Variants in DIP2C observed in about 807,000 individuals in gnomAD.
DIP2C encodes the protein DIP2 acetate--CoA ligase C (putative).
Under a neutral mutation model 192.4 loss-of-function variants are expected in DIP2C, and 33 were observed. That is an observed-to-expected ratio of 0.17 (90% CI 0.13 to 0.23). The LOEUF (loss-of-function observed/expected upper bound fraction) is 0.23, where lower values mean the gene tolerates loss of function less well. Among genes scored for constraint, DIP2C ranks in the 10% least tolerant of loss-of-function variants. DIP2C has a pLI of 1.00. For missense variants in DIP2C, 1,537 were observed against 2,110.1 expected (o/e 0.73, Z 5.32); for synonymous variants, 979 against 864.1 (o/e 1.13, Z -2.33).
intron 1 of DIP2C, among the ~76,000 whole-genome samples, chr10:552,554 A>G (rs1415734683): frequency 6.6e-6 from 1 of 152,248 alleles, no homozygotes; most frequent in Non-Finnish European, 1.5e-5. Flanking sequence ...AGCTTTCAAA[A>G]AGTGACAAAC....
chr10:672,794 A>G (rs1019941052), intron 1 of DIP2C, among the ~76,000 whole-genome samples: 7 of 152,210 alleles, frequency 4.6e-5, no homozygotes, highest in African/African-American at 1.2e-4. Context: ...CCAGAAACAT[A>G]AAGATTTCTG....
At chr10:547,858 T>C (rs977436287) in intron 1 of DIP2C, among the ~76,000 whole-genome samples, 7 of 152,110 alleles carry the variant, frequency 4.6e-5, no homozygotes, top group African/African-American at 1.7e-4. Flanking sequence ...CTGCATTTCA[T>C]CCATGCCCAC....
At chr10:680,196 A>G (rs1344499369) in intron 1 of DIP2C, among the ~76,000 whole-genome samples, 1 of 152,180 alleles carries the variant, frequency 6.6e-6, no homozygotes, top group African/African-American at 2.4e-5. Context: ...GGAAGCAGAG[A>G]AAGGCCCACA....
In DIP2C at chr10:361,416, C is replaced by A. The variant is rs544667168; in HGVS notation, c.2794+1074G>T. 3.3e-5 allele frequency among the ~76,000 whole-genome samples: 5 copies of A among 152,268 alleles called. 1 individual carries two copies. In the South Asian group the frequency reaches 8.3e-4, roughly 25 times the overall value. On this transcript the variant is annotated intron_variant, in intron 22 of 36. Transcript: ENST00000280886. Reference sequence around the variant, plus strand: ...CTGCTCTCTCTCGCCTGGGTTTTCCCGGTCACTGGGCTTCTCGACATTTGG... The same window carrying A: ...CTGCTCTCTCTCGCCTGGGTTTTCCAGGTCACTGGGCTTCTCGACATTTGG...
At chr10:374,161 C>T (rs1961306688) in intron 17 of DIP2C, among the ~76,000 whole-genome samples, 1 of 152,094 alleles carries the variant, frequency 6.6e-6, no homozygotes, top group African/African-American at 2.4e-5. Context: ...TGGTTTGTTA[C>T]ACACAGTGTT....
intron 29 of DIP2C, among the ~76,000 whole-genome samples, chr10:338,635 G>A (rs991320343): frequency 7.2e-5 from 11 of 152,110 alleles, no homozygotes; most frequent in South Asian, 4.1e-4. Flanking sequence ...TAATGAAATC[G>A]CCCATTTGGA....
intron 12 of DIP2C, 80 bp downstream of exon 12, chr10:390,184 G>C (rs1040014548): frequency 6.3e-7 from 1 of 1,586,710 alleles, no homozygotes; most frequent in Non-Finnish European, 8.7e-7. Context: ...CTGAATTTTG[G>C]CACTCGTGTA....
chr10:594,139 A>G (rs904419624), intron 1 of DIP2C, among the ~76,000 whole-genome samples: 1 of 152,216 alleles, frequency 6.6e-6, no homozygotes, highest in East Asian at 1.9e-4. Flanking sequence ...AGTCACGTGA[A>G]GGTCCCGTTG....
intron 1 of DIP2C, among the ~76,000 whole-genome samples, chr10:580,507 G>A (rs181248466): frequency 6.6e-5 from 10 of 152,156 alleles, no homozygotes; most frequent in Non-Finnish European, 2.9e-5. Context: ...ATATAATAGT[G>A]CCCATAGTTA....
At chr10:557,500 GCTGT>G (rs1848941453) in intron 1 of DIP2C, among the ~76,000 whole-genome samples, 1 of 151,282 alleles carries the variant, frequency 6.6e-6, no homozygotes, top group African/African-American at 2.4e-5. Context: ...CCTCACCTGG[GCTGT>G]CTCATCTGTT....
chr10:400,956 T>G (rs1328821355), intron 9 of DIP2C, among the ~76,000 whole-genome samples: 1 of 145,646 alleles, frequency 6.9e-6, no homozygotes, highest in Non-Finnish European at 1.5e-5. Context: ...GTGGCAGCAT[T>G]AGCATTACTC....
At chr10:464,175 C>T (rs1589852747) in intron 3 of DIP2C, among the ~76,000 whole-genome samples, 1 of 152,096 alleles carries the variant, frequency 6.6e-6, no homozygotes, top group East Asian at 1.9e-4. Flanking sequence ...TGCTTCTGCA[C>T]AGCAAAATAA....
intron 1 of DIP2C, among the ~76,000 whole-genome samples, chr10:528,247 A>G (rs376633550): frequency 5.9e-5 from 9 of 152,168 alleles, no homozygotes; most frequent in African/African-American, 1.9e-4. Context: ...CCAAGACATA[A>G]AAACAAAAAC....
At chr10:349,578 A>G in intron 24 of DIP2C, 124 bp from the exon 25 acceptor site, 2 of 1,330,088 alleles carry the variant, frequency 1.5e-6, no homozygotes, top group Non-Finnish European at 2.0e-6. Context: ...GAACAAGCAC[A>G]GACCTGTGCA....
At chr10:329,360 T>G in intron 30 of DIP2C, 73 bp downstream of exon 30, 1 of 1,477,922 alleles carries the variant, frequency 6.8e-7, no homozygotes, top group Admixed American at 2.3e-5. Flanking sequence ...CTTCACCCCA[T>G]CACAGATGTG....
chr10:504,631 C>T (rs983035508), intron 1 of DIP2C, among the ~76,000 whole-genome samples: 3 of 152,326 alleles, frequency 2.0e-5, no homozygotes, highest in East Asian at 1.9e-4. Context: ...CCACGGGCTC[C>T]GTGTCCAAGT....
chr10:387,688 C>T (rs1963086246), intron 14 of DIP2C, 57 bp downstream of exon 14: 1 of 1,536,342 alleles, frequency 6.5e-7, no homozygotes, highest in South Asian at 1.1e-5. Context: ...TGTGGACAGG[C>T]AGGGCAGGGT....
chr10:472,370 G>T, intron 3 of DIP2C, 69 bp downstream of exon 3: 1 of 1,442,034 alleles, frequency 6.9e-7, no homozygotes, highest in Non-Finnish European at 9.7e-7. Flanking sequence ...TCGCCCAGTG[G>T]CTGGGCACAG....
chr10:683,630 C>T (rs7087267), intron 1 of DIP2C, among the ~76,000 whole-genome samples: 17,645 of 152,140 alleles, frequency 0.12, 2,018 homozygotes, highest in African/African-American at 0.3. Context: ...CAGCCAGTGA[C>T]GGCAAGCAGG....
Sources: gnomAD v4.1 joint callset for allele counts (sites outside exome capture counted in the v4.1 genomes callset) on GRCh38, gnomAD v4.1.1 for gene constraint, MANE v1.5 for transcripts, NCBI Gene and HGNC (gene_info 2026-07-23, HGNC 2026-07-21) for gene names.